The following PTPN13 variants were observed in gnomAD, a reference collection of about 807,000 sequenced individuals.
PTPN13 encodes tyrosine-protein phosphatase non-receptor type 13.
In PTPN13, 191 loss-of-function variants were observed where a neutral mutation model predicts 284.0. The observed-to-expected ratio is 0.67, with a 90% CI of 0.60 to 0.76. PTPN13 has a LOEUF of 0.76. Ranked by LOEUF, PTPN13 falls within the 30% of genes least tolerant of loss-of-function variation. PTPN13 has a pLI of 0.00. For missense variants in PTPN13, 2,797 were observed against 2,939.9 expected (o/e 0.95, Z 1.12); for synonymous variants, 986 against 1,022.3 (o/e 0.96, Z 0.68).
At chr4:86,724,549 A>G (rs1477586664) in intron 10 of PTPN13, among the ~76,000 whole-genome samples, 1 of 152,152 alleles carries the variant, frequency 6.6e-6, no homozygotes, top group Non-Finnish European at 1.5e-5. Flanking sequence ...TGCCAGAGAT[A>G]TTTTGTGTCA....
Position 86,649,227 on chromosome 4 carries a change from T to C in PTPN13, c.115+13856T>C, listed in dbSNP as rs374294514. Among the ~76,000 whole-genome samples, 28 of 152,308 alleles carry C rather than the reference T, an allele frequency of 1.8e-4. No homozygotes were observed. In the East Asian group the frequency reaches 4.6e-3, roughly 25 times the overall value. ...AGCTTTCTAGCTTGATGTGATCCTA[T>C]TTGTTCAATTTTGCTATGAACAAAA... On this transcript the variant is annotated intron_variant, in intron 2 of 47. Transcript: ENST00000411767.
At chr4:86,775,850 T>C (rs1293988158) in intron 35 of PTPN13, among the ~76,000 whole-genome samples, 198 bp downstream of exon 35, 3 of 152,242 alleles carry the variant, frequency 2.0e-5, no homozygotes, top group African/African-American at 7.2e-5. Context: ...TTACCACATT[T>C]ATCAGTTAGG....
At chr4:86,778,833 T>G (rs1475463000) in intron 35 of PTPN13, among the ~76,000 whole-genome samples, 1 of 151,990 alleles carries the variant, frequency 6.6e-6, no homozygotes, top group Non-Finnish European at 1.5e-5. Context: ...ACCTCAGGTG[T>G]TTTTTACCTC....
chr4:86,733,631 A>G (rs1394995974), intron 12 of PTPN13, among the ~76,000 whole-genome samples: 1 of 152,120 alleles, frequency 6.6e-6, no homozygotes, highest in Non-Finnish European at 1.5e-5. Context: ...ATGTTCTATC[A>G]CTTTACTAGT....
intron 3 of PTPN13, among the ~76,000 whole-genome samples, chr4:86,673,950 G>A (rs1218793771): frequency 1.1e-4 from 17 of 152,044 alleles, no homozygotes; most frequent in Non-Finnish European, 1.6e-4. Context: ...CAAGTGATCC[G>A]CCTGCCTCGG....
intron 35 of PTPN13, among the ~76,000 whole-genome samples, chr4:86,779,489 G>T (rs1741049250): frequency 6.6e-6 from 1 of 152,116 alleles, no homozygotes; most frequent in Non-Finnish European, 1.5e-5. Context: ...TTATAGGAGA[G>T]GAATGCTATG....
At chr4:86,682,865 A>G (rs1354552956) in intron 3 of PTPN13, among the ~76,000 whole-genome samples, 1 of 152,150 alleles carries the variant, frequency 6.6e-6, no homozygotes, top group African/African-American at 2.4e-5. Context: ...ATGTAAAAGC[A>G]TTTTTCTTTG....
chr4:86,811,125 C>T lies in PTPN13; in HGVS notation c.7362+17C>T. On this transcript the variant is annotated intron_variant, in intron 47 of 47. Coordinates refer to ENST00000411767, the MANE Select transcript of PTPN13 (RefSeq NM_080683.3). Reference sequence around the variant, plus strand: ...CAGACAGAGGTGAGTCATGGCTGGGCCTCCTAATGAGAATTTTTGTAAAGA... The same window carrying T: ...CAGACAGAGGTGAGTCATGGCTGGGTCTCCTAATGAGAATTTTTGTAAAGA... 2.5e-6 allele frequency: 4 copies of T among 1,598,956 alleles called. No homozygotes were observed. The highest frequency in any genetic ancestry group is 3.4e-6 in the Non-Finnish European group (4 of 1,170,424).
At chr4:86,687,212 A>G (rs1474738021) in intron 4 of PTPN13, among the ~76,000 whole-genome samples, 12 of 152,186 alleles carry the variant, frequency 7.9e-5, no homozygotes, top group Non-Finnish European at 1.5e-5. Context: ...AGAGTGTTGT[A>G]TTAGAGAATG....
At chr4:86,682,314 G>A (rs936136325) in intron 3 of PTPN13, among the ~76,000 whole-genome samples, 3 of 152,192 alleles carry the variant, frequency 2.0e-5, no homozygotes, top group African/African-American at 7.2e-5. Flanking sequence ...AAGGGAAATA[G>A]AGCATCTCTG....
chr4:86,681,124 T>C (rs144442538), intron 3 of PTPN13, among the ~76,000 whole-genome samples: 19 of 152,320 alleles, frequency 1.2e-4, no homozygotes, highest in African/African-American at 2.6e-4. Context: ...ATAGTCTGTG[T>C]TCCAAGTCTC....
At chr4:86,615,996 T>C (rs1038338469) in intron 1 of PTPN13, among the ~76,000 whole-genome samples, 1 of 152,224 alleles carries the variant, frequency 6.6e-6, no homozygotes, top group Non-Finnish European at 1.5e-5. Flanking sequence ...CTACATTGTC[T>C]GATGCAGTGC....
In PTPN13 at chr4:86,652,531, A is replaced by G. The variant is rs371898424; in HGVS notation, c.115+17160A>G. On this transcript the variant is annotated intron_variant, in intron 2 of 47. Coordinates refer to ENST00000411767, the MANE Select transcript of PTPN13 (RefSeq NM_080683.3). Reference sequence around the variant, plus strand: ...TTGAAGGATAATTTTGCTGGATATAATATTCTAGGTTGGAACAGTTTTTTC... The same window carrying G: ...TTGAAGGATAATTTTGCTGGATATAGTATTCTAGGTTGGAACAGTTTTTTC... 3.3e-5 allele frequency among the ~76,000 whole-genome samples: 5 copies of G among 152,272 alleles called. No individual in the cohort carries two copies. In the East Asian group the frequency reaches 7.7e-4, roughly 24 times the overall value.
intron 10 of PTPN13, among the ~76,000 whole-genome samples, chr4:86,730,151 T>C (rs1734769731): frequency 6.7e-6 from 1 of 149,622 alleles, no homozygotes; most frequent in Non-Finnish European, 1.5e-5. Flanking sequence ...GTATCACCAG[T>C]GGATGCTGCA....
Position 86,784,539 on chromosome 4 carries a change from A to C in PTPN13, c.6099A>C (p.Pro2033=). Residue 2033 remains proline (P), a synonymous_variant, in exon 38 of 48, where the codon CCA becomes CCC. Transcript: ENST00000411767. Reference sequence around the variant, plus strand: ...CTACTTATCAGATAAAGGGATCACCAAACTTGACTCTGCCCAAAGGTAGTT... The same window carrying C: ...CTACTTATCAGATAAAGGGATCACCCAACTTGACTCTGCCCAAAGGTAGTT... ...KCSTYQIKGS[P]NLTLPKESYI... The C allele has an allele frequency of 2.5e-6, 4 of 1,607,254 alleles. No individual in the cohort carries two copies. The highest frequency in any genetic ancestry group is 3.4e-6 in the Non-Finnish European group (4 of 1,177,360).
At position 86,775,492 on chromosome 4, in the gene PTPN13, A is replaced by G. The variant is rs769622609; in HGVS notation, c.5731A>G (p.Ser1911Gly). ...CAGCCTTTATCAAGTGGTATATATT[A>G]GTGATATTAATCCAAGGTCCGTCGC... ...HDSLYQVVYI[S>G]DINPRSVAAI... Residue 1911 changes from serine (S) to glycine (G), a missense_variant, in exon 35 of 48, where the codon AGT becomes GGT. Coordinates refer to ENST00000411767, the MANE Select transcript of PTPN13 (RefSeq NM_080683.3). 1 of 1,610,314 alleles carries G rather than the reference A, an allele frequency of 6.2e-7. No individual in the cohort carries two copies. The highest frequency in any genetic ancestry group is 1.7e-5 in the Admixed American group (1 of 60,002).
At chr4:86,749,793 C>T (rs1390913835) in intron 17 of PTPN13, among the ~76,000 whole-genome samples, 2 of 152,198 alleles carry the variant, frequency 1.3e-5, no homozygotes, top group African/African-American at 4.8e-5. Context: ...TCTCCCATTC[C>T]TCTGTTGCCT....
chr4:86,703,505 GA>G (rs1408988662), intron 7 of PTPN13, among the ~76,000 whole-genome samples: 1 of 151,152 alleles, frequency 6.6e-6, no homozygotes, highest in Non-Finnish European at 1.5e-5. Context: ...AAATAATGAA[GA>G]TATGTACCAA....
intron 1 of PTPN13, among the ~76,000 whole-genome samples, chr4:86,616,284 T>C (rs78342338): frequency 0.045 from 6,884 of 152,198 alleles, 212 homozygotes; most frequent in African/African-American, 0.059. Context: ...AATTGGATAA[T>C]GGTATGAGAG....
Sources: allele counts gnomAD v4.1 joint callset (sites outside exome capture counted in the v4.1 genomes callset), GRCh38; gene constraint gnomAD v4.1.1; transcripts MANE v1.5; gene names NCBI Gene and HGNC (gene_info 2026-07-23, HGNC 2026-07-21).